The following SMYD3 variants were observed in gnomAD, a reference collection of about 807,000 sequenced individuals.
SMYD3 encodes SET and MYND domain containing 3.
A neutral mutation model predicts 57.7 loss-of-function variants in SMYD3; 36 were observed. The observed-to-expected ratio is 0.62, with a 90% CI of 0.48 to 0.82. The LOEUF is 0.82. Among genes scored for constraint, SMYD3 ranks in the 40% least tolerant of loss-of-function variants. The pLI is 0.00. For synonymous variants in SMYD3, 211 were observed against 195.0 expected (o/e 1.08, Z -0.68); for missense variants, 515 against 538.8 (o/e 0.96, Z 0.44).
At chr1:245,791,952 T>TTGTGTGTGTG (rs59018021) in intron 10 of SMYD3, among the ~76,000 whole-genome samples, 6,199 of 146,156 alleles carry the variant, frequency 0.042, 155 homozygotes, top group East Asian at 0.091. Flanking sequence ...AATTTTAAAC[T>TTGTGTGTGTG]TGTGTGTGTG....
At chr1:246,223,735 C>G (rs187021954) in intron 5 of SMYD3, among the ~76,000 whole-genome samples, 1 of 152,220 alleles carries the variant, frequency 6.6e-6, no homozygotes, top group East Asian at 1.9e-4. Context: ...ACTACCCCTT[C>G]TCTGTTTTCC....
chr1:245,950,639 T>C (rs2057597763), intron 5 of SMYD3, among the ~76,000 whole-genome samples: 1 of 152,210 alleles, frequency 6.6e-6, no homozygotes, highest in South Asian at 2.1e-4. Context: ...CGTCATAGAA[T>C]ATGCTATCAT....
At chr1:245,864,501 C>T (rs1401884970) in intron 8 of SMYD3, among the ~76,000 whole-genome samples, 3 of 152,078 alleles carry the variant, frequency 2.0e-5, no homozygotes, top group African/African-American at 7.2e-5. Flanking sequence ...TTACGCTAAG[C>T]GAGAAGCCAA....
intron 5 of SMYD3, among the ~76,000 whole-genome samples, chr1:246,082,010 A>C (rs1446908978): frequency 6.6e-6 from 1 of 152,200 alleles, no homozygotes; most frequent in Non-Finnish European, 1.5e-5. Context: ...TGACGGTGAG[A>C]GGAATCTGGC....
chr1:245,830,321 G>A (rs1414521687), intron 10 of SMYD3, among the ~76,000 whole-genome samples: 1 of 152,170 alleles, frequency 6.6e-6, no homozygotes, highest in Non-Finnish European at 1.5e-5. Context: ...GAGAAGCAAA[G>A]GCACGTCCTA....
At chr1:246,136,170 T>C (rs886088940) in intron 5 of SMYD3, among the ~76,000 whole-genome samples, 2 of 152,130 alleles carry the variant, frequency 1.3e-5, no homozygotes, top group African/African-American at 4.8e-5. Context: ...ATGGCACATA[T>C]AACACATTCT....
At chr1:246,010,104 AC>A (rs1253067337) in intron 5 of SMYD3, among the ~76,000 whole-genome samples, 1 of 147,530 alleles carries the variant, frequency 6.8e-6, no homozygotes, top group Non-Finnish European at 1.5e-5. Flanking sequence ...AAACAAACAA[AC>A]AAAACAAAAA....
chr1:245,790,861 T>C (rs2047239105), intron 10 of SMYD3, among the ~76,000 whole-genome samples: 2 of 152,210 alleles, frequency 1.3e-5, no homozygotes, highest in Admixed American at 6.5e-5. Context: ...CATTTCCAGA[T>C]AAAATGATTT....
At chr1:246,489,218 C>T (rs112905027) in intron 1 of SMYD3, among the ~76,000 whole-genome samples, 31 of 151,956 alleles carry the variant, frequency 2.0e-4, no homozygotes, top group African/African-American at 7.0e-4. Context: ...TGGTGGCGGG[C>T]GCCTGTAGTC....
Position 246,378,828 on chromosome 1 carries a change from G to GTATATATAATTATAT in SMYD3, c.165-23749_165-23735dup, listed in dbSNP as rs1558433817. Among the ~76,000 whole-genome samples the GTATATATAATTATAT allele has an allele frequency of 1.0e-4, 11 of 110,336 alleles. 2 individuals are homozygous for GTATATATAATTATAT. The highest frequency in any genetic ancestry group is 3.3e-4 in the African/African-American group (9 of 27,298). 72.4% of individuals were successfully genotyped at this position (110,336 alleles called of 152,430 possible). On this transcript the variant is annotated intron_variant, in intron 1 of 11. Transcript: ENST00000490107. The stretch of plus-strand genomic sequence containing the variant: ...ATATTATATATAATATATTTATATA[G>GTATATATAATTATAT]TATATATAATTATATATAATATATT...
At chr1:246,329,066 A>G (rs960873952) in intron 4 of SMYD3, among the ~76,000 whole-genome samples, 3 of 152,180 alleles carry the variant, frequency 2.0e-5, no homozygotes, top group Non-Finnish European at 4.4e-5. Context: ...TATATGTGCC[A>G]TATTTTCTTA....
chr1:246,428,470 T>G (rs942304787), intron 1 of SMYD3, among the ~76,000 whole-genome samples: 1 of 152,262 alleles, frequency 6.6e-6, no homozygotes, highest in Admixed American at 6.5e-5. Context: ...AAATACTATC[T>G]GTCAGGTACT....
intron 5 of SMYD3, among the ~76,000 whole-genome samples, chr1:246,278,566 AAG>A (rs1428248044): frequency 1.3e-5 from 2 of 152,196 alleles, no homozygotes; most frequent in East Asian, 3.9e-4. Context: ...GACTTCAGCC[AAG>A]AGCCGGCAAG....
At chr1:246,317,934 A>G (rs923021446) in intron 5 of SMYD3, among the ~76,000 whole-genome samples, 2 of 152,178 alleles carry the variant, frequency 1.3e-5, no homozygotes, top group East Asian at 1.9e-4. Context: ...AATAATTAAT[A>G]TAGTTATTCA....
intron 5 of SMYD3, among the ~76,000 whole-genome samples, chr1:246,118,892 CGTGCAGGACCTTAAGGATGAAAGTCAG>C (rs1444959239): frequency 4.6e-4 from 69 of 150,576 alleles, no homozygotes; most frequent in African/African-American, 1.6e-3. Flanking sequence ...CACCTTGAAC[CGTGCAGGACCTTAAGGATGAAAGTCAG>C]GTGCAGCACA....
At chr1:246,476,550 A>G (rs146667313) in intron 1 of SMYD3, among the ~76,000 whole-genome samples, 96 of 152,312 alleles carry the variant, frequency 6.3e-4, no homozygotes, top group African/African-American at 2.2e-3. Context: ...CTGCTACCCA[A>G]CTAAGCATCA....
chr1:246,215,251 T>C (rs2063147736), intron 5 of SMYD3, among the ~76,000 whole-genome samples: 2 of 152,180 alleles, frequency 1.3e-5, no homozygotes, highest in African/African-American at 4.8e-5. Flanking sequence ...ATGGTCTATG[T>C]ATATTGTCAT....
intron 5 of SMYD3, among the ~76,000 whole-genome samples, chr1:246,318,260 C>G (rs186699213): frequency 6.6e-6 from 1 of 152,194 alleles, no homozygotes; most frequent in East Asian, 1.9e-4. Context: ...GTGGCACACA[C>G]TTGTAGTCCC....
At chr1:246,491,544 TA>T (rs369181751) in intron 1 of SMYD3, among the ~76,000 whole-genome samples, 24,210 of 93,566 alleles carry the variant, frequency 0.26, 2,027 homozygotes, top group Middle Eastern at 0.32. Context: ...TCGTCTCAAA[TA>T]AAAAAAAAAA....
Sources: gnomAD v4.1 joint callset for allele counts (sites outside exome capture counted in the v4.1 genomes callset) on GRCh38, gnomAD v4.1.1 for gene constraint, MANE v1.5 for transcripts, NCBI Gene and HGNC (gene_info 2026-07-23, HGNC 2026-07-21) for gene names.